The following AHNAK variants were observed in gnomAD, a reference collection of about 807,000 sequenced individuals.
AHNAK encodes the protein AHNAK nucleoprotein, also known as neuroblast differentiation-associated protein AHNAK.
A neutral mutation model predicts 37.8 loss-of-function variants in AHNAK; 23 were observed. That is an observed-to-expected ratio of 0.61 (90% confidence interval 0.44 to 0.86). The LOEUF (loss-of-function observed/expected upper bound fraction) is 0.86, where lower values mean the gene tolerates loss of function less well. AHNAK is among the 40% of genes least tolerant of loss of function. The probability of loss-of-function intolerance (pLI) is 0.00; values close to 1 mark genes in which losing one functional copy is unlikely to be tolerated. For missense variants in AHNAK, 7,411 were observed against 7,319.4 expected, an observed-to-expected ratio of 1.01 and a Z score of -0.46; for synonymous variants, 2,481 against 2,636.3, an observed-to-expected ratio of 0.94 and a Z score of 1.80.
intron 1 of AHNAK, among the ~76,000 whole-genome samples, chr11:62,539,203 C>T (rs980741728): frequency 5.3e-5 from 8 of 152,218 alleles, no homozygotes; most frequent in Non-Finnish European, 8.8e-5. Flanking sequence ...TCCCACTGTC[C>T]AGTGCTCAGG....
chr11:62,458,801 A>C (rs1304749468), intron 5 of AHNAK, among the ~76,000 whole-genome samples: 1 of 151,962 alleles, frequency 6.6e-6, no homozygotes, highest in Non-Finnish European at 1.5e-5. Context: ...GGGCTTATTC[A>C]ATGTGAATTC....
chr11:62,517,428 G>C lies in AHNAK; in HGVS notation c.16989C>G (p.Ile5663Met). 1.2e-6 allele frequency: 2 copies of C among 1,614,136 alleles called. No homozygotes were observed. Among genetic ancestry groups the C allele is most frequent in the South Asian group, 1.1e-5 (1 of 91,080 alleles). ...CACGGCCAGAGAAGGTAAATTTGGGGATCTTCATTTTAGGGAATGTTACTT... is the reference window on the plus strand; with the variant it reads ...CACGGCCAGAGAAGGTAAATTTGGGCATCTTCATTTTAGGGAATGTTACTT... ...SGKVTFPKMK[I>M]PKFTFSGREL... The change falls in exon 5 of 5, where the codon ATC (isoleucine) becomes ATG (methionine). Residue 5663 changes from isoleucine to methionine, a missense_variant. Coordinates refer to ENST00000378024, the MANE Select transcript of AHNAK (RefSeq NM_001620.3).
At chr11:62,467,246 T>A (rs113685301) in intron 5 of AHNAK, among the ~76,000 whole-genome samples, 6,392 of 151,230 alleles carry the variant, frequency 0.042, 187 homozygotes, top group Middle Eastern at 0.079. Flanking sequence ...AAATAGTATA[T>A]CCTTGAAAGT....
At chr11:62,501,367 G>C (rs1939708882) in intron 4 of AHNAK, among the ~76,000 whole-genome samples, 1 of 152,164 alleles carries the variant, frequency 6.6e-6, no homozygotes, top group South Asian at 2.1e-4. Flanking sequence ...AGGAGATTGA[G>C]ACCATCCTGG....
chr11:62,496,744 G>A (rs541961740), intron 4 of AHNAK, among the ~76,000 whole-genome samples: 77 of 151,948 alleles, frequency 5.1e-4, no homozygotes, highest in African/African-American at 1.8e-3. Context: ...GCAGTGAGCC[G>A]AGATCGCATC....
rs542715506 is a variant in AHNAK, at chr11:62,451,166, C to T, written c.443-17275G>A. 6.0e-5 allele frequency among the ~76,000 whole-genome samples: 9 copies of T among 150,904 alleles called. 1 individual carries two copies. In the South Asian group the frequency reaches 6.3e-4, roughly 10 times the overall value. On this transcript the variant is annotated intron_variant, in intron 5 of 5. Transcript: ENST00000257247. ...TACAATCTCAGCTCACTGCAACTTC[C>T]GCCTCCTGGCTTCAAAGCAATCCTT...
chr11:62,504,768 C>T (rs56234858), intron 4 of AHNAK, among the ~76,000 whole-genome samples: 12,062 of 152,084 alleles, frequency 0.079, 1,016 homozygotes, highest in African/African-American at 0.21. Context: ...CCTGCCCCAC[C>T]CCCTACCCTG....
intron 5 of AHNAK, among the ~76,000 whole-genome samples, chr11:62,479,972 G>T (rs980448441): frequency 2.6e-5 from 4 of 152,166 alleles, no homozygotes; most frequent in Admixed American, 2.6e-4. Flanking sequence ...GGGAGATGAG[G>T]TCCCAGTGCT....
At chr11:62,444,859 C>T (rs1938392428) in intron 5 of AHNAK, among the ~76,000 whole-genome samples, 1 of 152,154 alleles carries the variant, frequency 6.6e-6, no homozygotes, top group African/African-American at 2.4e-5. Flanking sequence ...AATCTTTAAT[C>T]TCATTTTAGA....
chr11:62,486,739 T>C (rs1433651049), intron 5 of AHNAK, among the ~76,000 whole-genome samples: 2 of 125,802 alleles, frequency 1.6e-5, no homozygotes, highest in African/African-American at 3.1e-5. Context: ...AATTTTATGT[T>C]ATGTCTATTT....
rs1590644954 is a variant in AHNAK, at chr11:62,516,983, T to TCCCACCTTCCAGAGACACTTC, written c.17413_17433dup (p.Glu5805_Gly5811dup). 5.6e-6 allele frequency: 9 copies of TCCCACCTTCCAGAGACACTTC among 1,614,208 alleles called. No individual in the cohort carries two copies. The highest frequency in any genetic ancestry group is 7.6e-6 in the Non-Finnish European group (9 of 1,180,032). On this transcript the variant is annotated inframe_insertion, in exon 5 of 5. Coordinates refer to ENST00000378024, the MANE Select transcript of AHNAK (RefSeq NM_001620.3). The stretch of plus-strand genomic sequence containing the variant: ...AGCTTCCCGTGTTTCCCTTTAACTT[T>TCCCACCTTCCAGAGACACTTC]CCCACCTTCCAGAGACACTTCCCCA...
At chr11:62,442,377 A>G (rs1317996793) in intron 5 of AHNAK, among the ~76,000 whole-genome samples, 1 of 151,994 alleles carries the variant, frequency 6.6e-6, no homozygotes, top group Non-Finnish European at 1.5e-5. Flanking sequence ...GCAAAATCCT[A>G]TCTCTATGAA....
chr11:62,471,671 A>G (rs553733899), intron 5 of AHNAK, among the ~76,000 whole-genome samples: 2 of 152,108 alleles, frequency 1.3e-5, no homozygotes, highest in African/African-American at 4.8e-5. Context: ...ACATGTTGCA[A>G]ATGGGGAAGG....
intron 4 of AHNAK, among the ~76,000 whole-genome samples, chr11:62,493,607 T>C (rs1202472048): frequency 6.6e-6 from 1 of 151,070 alleles, no homozygotes; most frequent in Non-Finnish European, 1.5e-5. Context: ...GTGCTAGGAT[T>C]ACAGGCGTGA....
At chr11:62,543,976 G>A (rs767722463) in intron 1 of AHNAK, among the ~76,000 whole-genome samples, 14 of 152,114 alleles carry the variant, frequency 9.2e-5, no homozygotes, top group Non-Finnish European at 1.5e-4. Flanking sequence ...CTGTCTCTCT[G>A]TCTGTCTCCA....
chr11:62,520,864 T>G lies in AHNAK; in HGVS notation c.13553A>C (p.Gln4518Pro). Residue 4518 changes from glutamine (Q) to proline (P), a missense_variant, in exon 5 of 5, where the codon CAA becomes CCA. Physicochemically the swap from Gln to Pro is moderately conservative, Grantham distance 76. Transcript: ENST00000378024. Reference protein sequence around the residue: ...KMPDVHFKSPQISMSDIDLNL... With the variant: ...KMPDVHFKSPPISMSDIDLNL... ...CAAATCAATGTCACTCATGGAGATT[T>G]GTGGGCTTTTGAAATGTACATCAGG... The G allele has an allele frequency of 6.2e-7, 1 of 1,614,178 alleles. No homozygotes were observed. The highest frequency in any genetic ancestry group is 1.1e-5 in the South Asian group (1 of 91,084).
chr11:62,524,030 C>T lies in AHNAK; in HGVS notation c.10387G>A (p.Val3463Met), dbSNP rs1162049044. 1.2e-6 allele frequency: 2 copies of T among 1,614,026 alleles called. No homozygotes were observed. ...APEVNLNAPD[V>M]DVHGPDWNLK... is the part of the protein sequence containing the mutation. Reference sequence around the variant, plus strand: ...TTCCAGTCTGGACCATGAACATCCACATCAGGTGCATTAAGATTGACTTCT... The same window carrying T: ...TTCCAGTCTGGACCATGAACATCCATATCAGGTGCATTAAGATTGACTTCT... The change falls in exon 5 of 5, where the codon GTG becomes ATG. Residue 3463 changes from valine to methionine, a missense_variant. Transcript: ENST00000378024.
intron 5 of AHNAK, among the ~76,000 whole-genome samples, chr11:62,439,401 C>T (rs1258445086): frequency 6.6e-6 from 1 of 151,642 alleles, no homozygotes; most frequent in Non-Finnish European, 1.5e-5. Context: ...TGGGCAGTTT[C>T]CCTATTTTTC....
Position 62,518,119 on chromosome 11 carries a change from A to C in AHNAK, c.16298T>G (p.Leu5433Arg). The change falls in exon 5 of 5, where the codon CTG becomes CGG. Residue 5433 changes from leucine to arginine, a missense_variant. Transcript: ENST00000378024. Reference protein sequence around the residue: ...NAKGPQVSGELKGPGVDVNLK... With the variant: ...NAKGPQVSGERKGPGVDVNLK... ...GTTCACATCCACACCTGGCCCCTTC[A>C]GTTCGCCAGAAACCTGTGGCCCCTT... The C allele has an allele frequency of 6.2e-7, 1 of 1,614,206 alleles. No individual in the cohort carries two copies.
Sources: allele counts gnomAD v4.1 joint callset (sites outside exome capture counted in the v4.1 genomes callset), GRCh38; gene constraint gnomAD v4.1.1; transcripts MANE v1.5; gene names NCBI Gene and HGNC (gene_info 2026-07-23, HGNC 2026-07-21).